The following AFF1 variants were observed in gnomAD, a reference collection of about 807,000 sequenced individuals.
AFF1 encodes the protein ALF transcription elongation factor 1, also known as AF4/FMR2 family member 1.
A neutral mutation model predicts 121.7 loss-of-function variants in AFF1; 48 were observed. The ratio of observed to expected loss-of-function variants is 0.39; its 90% CI spans 0.31 to 0.50. The LOEUF is 0.50. AFF1 is among the 20% of genes least tolerant of loss of function. The pLI is 0.76. For missense variants in AFF1, 1,523 were observed against 1,511.7 expected (o/e 1.01, Z -0.12); for synonymous variants, 613 against 563.0 (o/e 1.09, Z -1.26).
At chr4:87,064,051 C>A (rs995394842) in intron 4 of AFF1, among the ~76,000 whole-genome samples, 5 of 152,146 alleles carry the variant, frequency 3.3e-5, no homozygotes, top group Admixed American at 2.6e-4. Flanking sequence ...ATATTTTATG[C>A]CCTAATAAAG....
chr4:87,116,831 GGTGTGT>G (rs70957208), intron 12 of AFF1, among the ~76,000 whole-genome samples: 1 of 151,064 alleles, frequency 6.6e-6, no homozygotes, highest in South Asian at 2.1e-4. Context: ...GATGGGGTGG[GGTGTGT>G]GTGTGTGTGT....
At chr4:87,017,073 G>A (rs398051060) in intron 2 of AFF1, among the ~76,000 whole-genome samples, 1 of 143,998 alleles carries the variant, frequency 6.9e-6, no homozygotes, top group Non-Finnish European at 1.5e-5. Flanking sequence ...ATATATATAT[G>A]TGTGTGTGTG....
intron 4 of AFF1, among the ~76,000 whole-genome samples, chr4:87,052,740 G>A (rs1205729233): frequency 4.6e-5 from 7 of 152,000 alleles, no homozygotes; most frequent in Admixed American, 4.6e-4. Context: ...TAGTGGCTTG[G>A]GGTAGTAGCC....
At chr4:87,104,779 A>G (rs1397410561) in intron 8 of AFF1, among the ~76,000 whole-genome samples, 1 of 152,216 alleles carries the variant, frequency 6.6e-6, no homozygotes, top group Non-Finnish European at 1.5e-5. Context: ...ACACATGTAC[A>G]GATTGACAAA....
At chr4:87,080,581 C>G (rs1364963548) in intron 4 of AFF1, among the ~76,000 whole-genome samples, 1 of 152,140 alleles carries the variant, frequency 6.6e-6, no homozygotes, top group Non-Finnish European at 1.5e-5. Context: ...ACCTGTAGTT[C>G]CAGCTACTCT....
intron 8 of AFF1, among the ~76,000 whole-genome samples, chr4:87,104,270 T>C (rs1387472926): frequency 6.6e-6 from 1 of 152,194 alleles, no homozygotes; most frequent in Non-Finnish European, 1.5e-5. Flanking sequence ...CCGGGCATGG[T>C]GGCCTGTGCC....
chr4:87,031,192 A>G (rs1242916932), intron 2 of AFF1, among the ~76,000 whole-genome samples: 1 of 152,150 alleles, frequency 6.6e-6, no homozygotes, highest in Non-Finnish European at 1.5e-5. Flanking sequence ...CCTGTGAGAA[A>G]TCTGAGTGGA....
chr4:87,126,924 T>G lies in AFF1; in HGVS notation c.2812-102T>G, dbSNP rs112439959. 65 of 998,930 alleles carry G rather than the reference T, an allele frequency of 6.5e-5. No homozygotes were observed. The African/African-American group carries it at 9.6e-4, about 15-fold the overall frequency. 61.9% of individuals were successfully genotyped at this position (998,930 alleles called of 1,614,324 possible). A position where few individuals can be genotyped will look rare whatever the true frequency, so the allele number is the denominator to read the frequency against. On this transcript the variant is annotated intron_variant, in intron 14 of 20. Coordinates refer to ENST00000395146, the MANE Select transcript of AFF1 (RefSeq NM_001166693.3). ...GATTGTGCATTGTTTGATTTACTCT[T>G]TTTTGAAACTACTATTTCGGGCTAT...
chr4:87,100,605 C>T (rs921804299), intron 8 of AFF1, among the ~76,000 whole-genome samples: 1 of 152,136 alleles, frequency 6.6e-6, no homozygotes, highest in East Asian at 1.9e-4. Flanking sequence ...AGTTGTCTTC[C>T]TCCTCTAGAC....
intron 2 of AFF1, among the ~76,000 whole-genome samples, chr4:86,990,094 G>A (rs1724580690): frequency 1.3e-5 from 2 of 152,036 alleles, no homozygotes; most frequent in Non-Finnish European, 1.5e-5. Context: ...GTCGATGGGT[G>A]CAGCAAACAA....
chr4:87,019,045 T>TA (rs1727625283), intron 2 of AFF1, among the ~76,000 whole-genome samples: 1 of 152,180 alleles, frequency 6.6e-6, no homozygotes, highest in South Asian at 2.1e-4. Context: ...GAAGGACTGT[T>TA]ATGGGAAGTG....
At chr4:87,033,461 G>A (rs558486229) in intron 2 of AFF1, among the ~76,000 whole-genome samples, 3 of 152,294 alleles carry the variant, frequency 2.0e-5, no homozygotes, top group South Asian at 4.1e-4. Flanking sequence ...TTTTGGAATG[G>A]TAAATCCTGT....
intron 5 of AFF1, among the ~76,000 whole-genome samples, chr4:87,085,751 C>CTT (rs200938461): frequency 0.15 from 20,602 of 138,990 alleles, 2,006 homozygotes; most frequent in East Asian, 0.35. Flanking sequence ...AGAAACATAC[C>CTT]TTTTTTTTTT....
intron 8 of AFF1, among the ~76,000 whole-genome samples, chr4:87,098,135 A>G (rs1266902544): frequency 6.6e-6 from 1 of 152,226 alleles, no homozygotes; most frequent in Non-Finnish European, 1.5e-5. Flanking sequence ...ATATAAGAGT[A>G]TAAAAGAGAG....
chr4:87,128,622 C>G (rs1728525401), intron 16 of AFF1, among the ~76,000 whole-genome samples: 2 of 152,334 alleles, frequency 1.3e-5, no homozygotes, highest in South Asian at 4.1e-4. Flanking sequence ...CAGATTGATT[C>G]ATGGTGGCCC....
intron 7 of AFF1, among the ~76,000 whole-genome samples, chr4:87,092,250 T>C (rs1258904409): frequency 6.6e-6 from 1 of 152,164 alleles, no homozygotes; most frequent in African/African-American, 2.4e-5. Context: ...GGCACTGCAC[T>C]CCAGCCTGGG....
At chr4:87,067,125 A>G (rs1721438823) in intron 4 of AFF1, among the ~76,000 whole-genome samples, 1 of 152,206 alleles carries the variant, frequency 6.6e-6, no homozygotes, top group South Asian at 2.1e-4. Context: ...AGTTTGGTTA[A>G]TGACAGAAGT....
chr4:87,090,127 A>T (rs1724152766), intron 6 of AFF1, 57 bp downstream of exon 6: 1 of 1,383,288 alleles, frequency 7.2e-7, no homozygotes, highest in Non-Finnish European at 1.0e-6. Context: ...AGCGTAAGGC[A>T]TTGCTGTGAG....
chr4:87,031,065 G>T (rs976741322), intron 2 of AFF1, among the ~76,000 whole-genome samples: 1 of 152,160 alleles, frequency 6.6e-6, no homozygotes, highest in Non-Finnish European at 1.5e-5. Flanking sequence ...TGTCTGGGGT[G>T]GGGGTAGGAG....
Sources: gnomAD v4.1 joint callset for allele counts (sites outside exome capture counted in the v4.1 genomes callset) on GRCh38, gnomAD v4.1.1 for gene constraint, MANE v1.5 for transcripts, NCBI Gene and HGNC (gene_info 2026-07-23, HGNC 2026-07-21) for gene names.